ATP8B4: variants seen among roughly 807,000 people sequenced by gnomAD.
The protein encoded by ATP8B4 is probable phospholipid-transporting ATPase IM.
A neutral mutation model predicts 145.6 loss-of-function variants in ATP8B4; 133 were observed. That is an observed-to-expected ratio of 0.91 (90% CI 0.79 to 1.05). The LOEUF (loss-of-function observed/expected upper bound fraction) is 1.05. ATP8B4 is among the 50% of genes least tolerant of loss of function. ATP8B4 has a pLI of 0.00. For missense variants in ATP8B4, 1,458 were observed against 1,425.2 expected (o/e 1.02, Z -0.37); for synonymous variants, 507 against 492.9 (o/e 1.03, Z -0.38).
In ATP8B4 at chr15:49,907,913, A is replaced by G. The variant is rs1308897360; in HGVS notation, c.2142-6674T>C. On this transcript the variant is annotated intron_variant, in intron 20 of 27. Coordinates refer to ENST00000284509, the MANE Select transcript of ATP8B4 (RefSeq NM_024837.4). ...CCTTAACAACTATATTTTTAGGTTA[A>G]TTATTAAAGGGAATAAAAATAAATC... 4.8e-5 allele frequency: 18 copies of G among 375,134 alleles called. No individual in the cohort carries two copies. The East Asian group carries it at 1.0e-3, about 22-fold the overall frequency. 23.2% of individuals were successfully genotyped at this position (375,134 alleles called of 1,614,324 possible). A position where few individuals can be genotyped will look rare whatever the true frequency, so the allele number is the denominator to read the frequency against.
chr15:50,098,703 C>T (rs971505721), intron 2 of ATP8B4, among the ~76,000 whole-genome samples: 1 of 151,976 alleles, frequency 6.6e-6, no homozygotes, highest in Admixed American at 6.6e-5. Context: ...AAGCTGTCTC[C>T]CTCTCTCCTC....
chr15:50,099,137 A>T (rs2056185164), intron 2 of ATP8B4, among the ~76,000 whole-genome samples: 1 of 152,214 alleles, frequency 6.6e-6, no homozygotes, highest in South Asian at 2.1e-4. Flanking sequence ...AATAAAGAAC[A>T]GCTAAGCTGG....
intron 2 of ATP8B4, among the ~76,000 whole-genome samples, chr15:50,091,429 A>G (rs1220744102): frequency 6.6e-6 from 1 of 152,202 alleles, no homozygotes; most frequent in Non-Finnish European, 1.5e-5. Flanking sequence ...TTTTTTTTAT[A>G]AAACCACAAT....
At chr15:50,105,783 T>G (rs1464906649) in intron 2 of ATP8B4, among the ~76,000 whole-genome samples, 1 of 152,164 alleles carries the variant, frequency 6.6e-6, no homozygotes, top group Non-Finnish European at 1.5e-5. Context: ...GAATTACTGT[T>G]TAAGAGAATA....
chr15:49,953,123 G>A (rs145249222), intron 14 of ATP8B4, among the ~76,000 whole-genome samples: 56 of 152,192 alleles, frequency 3.7e-4, no homozygotes, highest in South Asian at 8.3e-4. Context: ...GCACCAACCT[G>A]ATGCCAGTAG....
chr15:50,079,020 A>T (rs1311550630), intron 2 of ATP8B4, among the ~76,000 whole-genome samples: 1 of 152,240 alleles, frequency 6.6e-6, no homozygotes, highest in Non-Finnish European at 1.5e-5. Context: ...ATTTGACAGC[A>T]AACCAGGTGA....
Position 49,927,775 on chromosome 15 carries a change from G to A in ATP8B4, c.1642+3344C>T, listed in dbSNP as rs538863778. ...AACACCTTCCCTGAGGCTGTAAATA[G>A]AAGATAGCTCCTGCTGATACAACAT... On this transcript the variant is annotated intron_variant, in intron 16 of 27. Transcript: ENST00000284509. 3.9e-5 allele frequency among the ~76,000 whole-genome samples: 6 copies of A among 152,218 alleles called. No homozygotes were observed. The East Asian group carries it at 9.7e-4, about 25-fold the overall frequency.
At chr15:49,983,324 T>C (rs1198326054) in intron 10 of ATP8B4, among the ~76,000 whole-genome samples, 3 of 152,200 alleles carry the variant, frequency 2.0e-5, no homozygotes, top group African/African-American at 4.8e-5. Flanking sequence ...CCAAGCTTCT[T>C]ATCTCAGTGA....
intron 10 of ATP8B4, chr15:49,982,697 T>C (rs1200353733): frequency 6.6e-6 from 1 of 152,198 alleles, no homozygotes; most frequent in Admixed American, 6.5e-5. Context: ...AGGAATCCTT[T>C]TTATGGATTA....
At chr15:49,870,301 G>A (rs532614727) in intron 25 of ATP8B4, among the ~76,000 whole-genome samples, 12 of 152,116 alleles carry the variant, frequency 7.9e-5, no homozygotes, top group South Asian at 2.1e-4. Flanking sequence ...TGTATGCGTC[G>A]TCTCAAAGTA....
At chr15:50,172,019 G>T (rs1258831181) in intron 1 of ATP8B4, among the ~76,000 whole-genome samples, 1 of 152,130 alleles carries the variant, frequency 6.6e-6, no homozygotes, top group African/African-American at 2.4e-5. Context: ...AAATCAGGAA[G>T]GATTAGATAC....
chr15:49,993,097 C>T (rs2047161706), intron 9 of ATP8B4, among the ~76,000 whole-genome samples: 1 of 152,014 alleles, frequency 6.6e-6, no homozygotes, highest in Admixed American at 6.6e-5. Context: ...TCAAAAGAAC[C>T]TTGGTAATAT....
rs1464168761 is a variant in ATP8B4, at chr15:50,090,051, T to C, written c.29-15866A>G. Among the ~76,000 whole-genome samples the C allele has an allele frequency of 3.3e-5, 5 of 152,178 alleles. No homozygotes were observed. The South Asian group carries it at 6.2e-4, about 19-fold the overall frequency. On this transcript the variant is annotated intron_variant, in intron 2 of 27. Coordinates refer to ENST00000284509, the MANE Select transcript of ATP8B4 (RefSeq NM_024837.4). The stretch of plus-strand genomic sequence containing the variant: ...GCAGCCATAAAAAGGAATGAGATCA[T>C]GTCCTGTGCAGGGACACGGATGGAG...
At chr15:49,942,952 G>A (rs189104744) in intron 14 of ATP8B4, among the ~76,000 whole-genome samples, 82 of 152,220 alleles carry the variant, frequency 5.4e-4, no homozygotes, top group African/African-American at 1.9e-3. Context: ...TGCTCTACAA[G>A]CTCAAGAAAA....
intron 15 of ATP8B4, among the ~76,000 whole-genome samples, chr15:49,933,180 C>A (rs1304478680): frequency 4.0e-5 from 6 of 151,336 alleles, no homozygotes; most frequent in African/African-American, 7.3e-5. Flanking sequence ...TAAGAACCAA[C>A]AGAAACAATG....
chr15:50,063,109 T>A (rs2053144467), intron 3 of ATP8B4, among the ~76,000 whole-genome samples: 1 of 152,068 alleles, frequency 6.6e-6, no homozygotes, highest in South Asian at 2.1e-4. Context: ...GCCTTTCTGC[T>A]TATTAAGACA....
At chr15:50,000,823 C>T (rs2047827600) in intron 8 of ATP8B4, among the ~76,000 whole-genome samples, 1 of 152,058 alleles carries the variant, frequency 6.6e-6, no homozygotes, top group Non-Finnish European at 1.5e-5. Flanking sequence ...TTCCTCAAAG[C>T]TTTTTATACT....
chr15:50,116,257 G>A (rs909292056), intron 1 of ATP8B4, among the ~76,000 whole-genome samples: 10 of 152,010 alleles, frequency 6.6e-5, no homozygotes, highest in African/African-American at 2.4e-4. Flanking sequence ...GTCTGTTCAA[G>A]TAAAATAAAA....
At chr15:50,170,764 A>G (rs1005915915) in intron 1 of ATP8B4, among the ~76,000 whole-genome samples, 1 of 152,200 alleles carries the variant, frequency 6.6e-6, no homozygotes, top group African/African-American at 2.4e-5. Flanking sequence ...ATACAGAACC[A>G]CAGAATGGAT....
Sources: gnomAD v4.1 joint callset for allele counts (sites outside exome capture counted in the v4.1 genomes callset) on GRCh38, gnomAD v4.1.1 for gene constraint, MANE v1.5 for transcripts, NCBI Gene and HGNC (gene_info 2026-07-23, HGNC 2026-07-21) for gene names.